TTYH1: variants seen among roughly 807,000 people sequenced by gnomAD.
TTYH1 encodes the protein tweety family member 1.
TTYH1 carries 33 observed loss-of-function variants against 61.2 expected under a neutral mutation model. The ratio of observed to expected loss-of-function variants is 0.54; its 90% CI spans 0.41 to 0.72. The LOEUF is 0.72. TTYH1 is among the 30% of genes least tolerant of loss of function. TTYH1 has a pLI of 0.00. For synonymous variants in TTYH1, 308 were observed against 266.4 expected (o/e 1.16, Z -1.52); for missense variants, 538 against 575.8 (o/e 0.93, Z 0.67).
chr19:54,431,492 T>G, intron 10 of TTYH1: 2 of 448,396 alleles, frequency 4.5e-6, no homozygotes, highest in East Asian at 9.0e-5. Flanking sequence ...TTTCCTTCCT[T>G]GTCTTCTCTC....
Position 54,429,787 on chromosome 19 carries a change from G to C in TTYH1, c.808-95G>C. 3 of 1,080,950 alleles carry C rather than the reference G, an allele frequency of 2.8e-6. No homozygotes were observed. In the South Asian group the frequency reaches 4.1e-5, roughly 15 times the overall value. The allele number at this position is 1,080,950 out of a possible 1,614,324, so 67.0% of individuals were successfully genotyped here. On this transcript the variant is annotated intron_variant, in intron 6 of 13. Transcript: ENST00000376530. The surrounding 1 kb of genome is among the most constrained non-coding windows in gnomAD (Gnocchi z 5.1). Reference sequence around the variant, plus strand: ...GGGGCTGGGACCTGGACCCCTGGGTGGGGAGGGGAGCTGGGGAGCCAGGCA... The same window carrying C: ...GGGGCTGGGACCTGGACCCCTGGGTCGGGAGGGGAGCTGGGGAGCCAGGCA...
intron 10 of TTYH1, 40 bp from the exon 11 acceptor site, chr19:54,435,502 G>C: frequency 1.3e-6 from 2 of 1,554,770 alleles, no homozygotes; most frequent in Non-Finnish European, 8.7e-7. Flanking sequence ...CGATGGGGGA[G>C]GGGGTGGGGA....
chr19:54,429,974 C>T lies in TTYH1; in HGVS notation c.883+17C>T, dbSNP rs199597708. On this transcript the variant is annotated intron_variant, in intron 7 of 13. Transcript: ENST00000376530. The surrounding 1 kb of genome is among the most constrained non-coding windows in gnomAD (Gnocchi z 5.1). The stretch of plus-strand genomic sequence containing the variant: ...TCAGCTCAGGTGATTTCCAAGGGCC[C>T]GGTGGGTCCGCCGGGTTGGGCAGTG... The T allele has an allele frequency of 2.5e-5, 40 of 1,611,468 alleles. No homozygotes were observed. In the East Asian group the frequency reaches 5.3e-4, roughly 22 times the overall value.
Position 54,429,211 on chromosome 19 carries a change from G to C in TTYH1, c.735-96G>C. 1 of 1,109,642 alleles carries C rather than the reference G, an allele frequency of 9.0e-7. No homozygotes were observed. Among genetic ancestry groups the C allele is most frequent in the African/African-American group, 1.5e-5 (1 of 65,292 alleles). 68.7% of individuals were successfully genotyped at this position (1,109,642 alleles called of 1,614,324 possible). A position where few individuals can be genotyped will look rare whatever the true frequency, so the allele number is the denominator to read the frequency against. On this transcript the variant is annotated intron_variant, in intron 5 of 13. Coordinates refer to ENST00000376530, the MANE Select transcript of TTYH1 (RefSeq NM_020659.4). The surrounding 1 kb of genome is among the most constrained non-coding windows in gnomAD (Gnocchi z 5.1). ...GATCCTCCAGGCTCCAGAGGTGGGT[G>C]GAGGTGGGGGGCGGCTGTGATGGGA...
intron 11 of TTYH1, 66 bp from the exon 12 acceptor site, chr19:54,435,761 GT>G: frequency 1.2e-6 from 2 of 1,612,712 alleles, no homozygotes; most frequent in South Asian, 1.1e-5. Flanking sequence ...GGCAGTGGGG[GT>G]GGGGGGTGCA....
At position 54,416,671 on chromosome 19, in the gene TTYH1, A is replaced by G. The variant is rs1318652192; in HGVS notation, c.126+993A>G. ...GTCCCAGAAAAGCGCGGAGGGGATG[A>G]GTGCTGTGTTCTGAGCTATTTGGGT... On this transcript the variant is annotated intron_variant, in intron 1 of 13. Transcript: ENST00000376530. This position sits in a 1 kb window ranked among gnomAD's most constrained non-coding sequence, Gnocchi z 7.0. The G allele has an allele frequency of 9.4e-7, 1 of 1,067,458 alleles. No individual in the cohort carries two copies. Among genetic ancestry groups the G allele is most frequent in the Non-Finnish European group, 1.2e-6 (1 of 805,596 alleles). 66.1% of individuals were successfully genotyped at this position (1,067,458 alleles called of 1,614,324 possible).
rs1228965192 is a variant in TTYH1, at chr19:54,430,867, C to T, written c.994C>T (p.Leu332=). 2.5e-6 allele frequency: 4 copies of T among 1,613,778 alleles called. No individual in the cohort carries two copies. In the South Asian group the frequency reaches 3.3e-5, roughly 13 times the overall value. ...CAACATCCACTCCCAGCTGCTGGGC[C>T]TGGAGCGAGAAGCTGTGCCTCAGTT... ...LANIHSQLLG[L]EREAVPQFPS... The change falls in exon 9 of 14, where the codon CTG becomes TTG. Residue 332 remains leucine (L), a synonymous_variant. Transcript: ENST00000376530.
In TTYH1 at chr19:54,434,371, C is replaced by T. The variant is rs1176467408; in HGVS notation, c.1126-1171C>T. 1 of 152,544 alleles carries T rather than the reference C, an allele frequency of 6.6e-6. No homozygotes were observed. The highest frequency in any genetic ancestry group is 2.4e-5 in the African/African-American group (1 of 41,442). The allele number at this position is 152,544 out of a possible 1,614,324, so 9.4% of individuals were successfully genotyped here. On this transcript the variant is annotated intron_variant, in intron 10 of 13. Transcript: ENST00000376530. This position sits in a 1 kb window ranked among gnomAD's most constrained non-coding sequence, Gnocchi z 4.3. ...TGTTCCTCGCCCTGACCTACAAGGG[C>T]CTGGGTGGTCAGTCCTGGATCTGTC...
At position 54,429,537 on chromosome 19, in the gene TTYH1, A is replaced by G. The variant is rs1240513160; in HGVS notation, c.807+158A>G. Among the ~76,000 whole-genome samples, 2 of 151,860 alleles carry G rather than the reference A, an allele frequency of 1.3e-5. No individual in the cohort carries two copies. The highest frequency in any genetic ancestry group is 4.8e-5 in the African/African-American group (2 of 41,322). On this transcript the variant is annotated intron_variant, in intron 6 of 13. Transcript: ENST00000376530. The surrounding 1 kb of genome is among the most constrained non-coding windows in gnomAD (Gnocchi z 5.1). ...CTTGTTTCCTGGGGCCTGAGTGGGT[A>G]CAGATTGGTGTCCTGGACGTTTGAG... is the stretch of plus-strand genomic sequence containing the variant.
chr19:54,415,820 G>A lies in TTYH1; in HGVS notation c.126+142G>A. The A allele has an allele frequency of 1.9e-6, 2 of 1,038,818 alleles. No homozygotes were observed. The highest frequency in any genetic ancestry group is 2.7e-6 in the Non-Finnish European group (2 of 746,910). 64.4% of individuals were successfully genotyped at this position (1,038,818 alleles called of 1,614,324 possible). A position where few individuals can be genotyped will look rare whatever the true frequency, so the allele number is the denominator to read the frequency against. ...CCCGGACTTTGGGGTTTCGGAGGGAGGAGGAGCCTGGGGGCGCCCATGCCT... is the reference window on the plus strand; with the variant it reads ...CCCGGACTTTGGGGTTTCGGAGGGAAGAGGAGCCTGGGGGCGCCCATGCCT... On this transcript the variant is annotated intron_variant, in intron 1 of 13. Coordinates refer to ENST00000376530, the MANE Select transcript of TTYH1 (RefSeq NM_020659.4). The surrounding 1 kb of genome is among the most constrained non-coding windows in gnomAD (Gnocchi z 5.2).
chr19:54,434,834 CTGGG>C lies in TTYH1; in HGVS notation c.1126-705_1126-702del. ...TGATTCTGCCCCCAGGGACACCTGG[CTGGG>C]TGAGGAGTTCTGCCCCCAGGGACAC... On this transcript the variant is annotated intron_variant, in intron 10 of 13. Coordinates refer to ENST00000376530, the MANE Select transcript of TTYH1 (RefSeq NM_020659.4). This position sits in a 1 kb window ranked among gnomAD's most constrained non-coding sequence, Gnocchi z 4.3. 6.6e-6 allele frequency: 1 copy of C among 152,318 alleles called. No individual in the cohort carries two copies. The highest frequency in any genetic ancestry group is 1.5e-5 in the Non-Finnish European group (1 of 68,092). 9.4% of individuals were successfully genotyped at this position (152,318 alleles called of 1,614,324 possible). A position where few individuals can be genotyped will look rare whatever the true frequency, so the allele number is the denominator to read the frequency against.
rs866613254 is a variant in TTYH1 at position 54,420,973 on chromosome 19, G to A, written c.306-304G>A. On this transcript the variant is annotated intron_variant, in intron 2 of 13. Coordinates refer to ENST00000376530, the MANE Select transcript of TTYH1 (RefSeq NM_020659.4). This position sits in a 1 kb window ranked among gnomAD's most constrained non-coding sequence, Gnocchi z 4.8. ...AAGACGGCCCATCCCGGAGCTGGGT[G>A]TGACTGGGGTTCTGCTCCAGGGAGG... The A allele has an allele frequency of 1.0e-4, 48 of 462,010 alleles. No individual in the cohort carries two copies. Among genetic ancestry groups the A allele is most frequent in the African/African-American group, 7.5e-4 (38 of 50,816 alleles). 28.6% of individuals were successfully genotyped at this position (462,010 alleles called of 1,614,324 possible).
chr19:54,430,514 C>T (rs766266875), intron 7 of TTYH1, 36 bp from the exon 8 acceptor site: 3 of 1,611,432 alleles, frequency 1.9e-6, no homozygotes, highest in East Asian at 4.5e-5. Context: ...GGGGCCCAGG[C>T]TCATGGCCTC....
At chr19:54,427,401 C>T (rs576741058) in intron 5 of TTYH1, among the ~76,000 whole-genome samples, 94 of 144,734 alleles carry the variant, frequency 6.5e-4, no homozygotes, top group East Asian at 4.8e-3. Flanking sequence ...GTCAGGAGTT[C>T]GAGACCATCC....
intron 4 of TTYH1, 113 bp from the exon 5 acceptor site, chr19:54,426,560 G>A: frequency 1.3e-6 from 1 of 796,550 alleles, no homozygotes; most frequent in Non-Finnish European, 2.2e-6. Flanking sequence ...CTTGGAGGGT[G>A]GTGAATGTGA....
chr19:54,430,862 T>G lies in TTYH1; in HGVS notation c.989T>G (p.Leu330Arg), dbSNP rs768692520. Residue 330 changes from leucine to arginine, a missense_variant, in exon 9 of 14, where the codon CTG (leucine) becomes CGG (arginine). This residue lies in a region of TTYH1 where 378 missense variants were observed against 401.2 expected (regional missense o/e 0.94). Coordinates refer to ENST00000376530, the MANE Select transcript of TTYH1 (RefSeq NM_020659.4). ...CTGGCCAACATCCACTCCCAGCTGC[T>G]GGGCCTGGAGCGAGAAGCTGTGCCT... ...RALANIHSQL[L>R]GLEREAVPQF... 6.4e-5 allele frequency: 104 copies of G among 1,613,722 alleles called. No homozygotes were observed. Among genetic ancestry groups the G allele is most frequent in the Non-Finnish European group, 8.0e-5 (94 of 1,180,026 alleles).
At chr19:54,430,106 C>T in intron 7 of TTYH1, 149 bp downstream of exon 7, 1 of 682,000 alleles carries the variant, frequency 1.5e-6, no homozygotes, top group Non-Finnish European at 2.5e-6. Flanking sequence ...AAGCAGGGCT[C>T]CTGGCCACTC....
chr19:54,424,527 A>G (rs1407898320), intron 4 of TTYH1, among the ~76,000 whole-genome samples: 1 of 152,214 alleles, frequency 6.6e-6, no homozygotes, highest in Non-Finnish European at 1.5e-5. Flanking sequence ...CTGGGTTTGA[A>G]GAAGTCCAGG....
rs983981771 is a variant in TTYH1, at chr19:54,416,550, T to C, written c.126+872T>C. On this transcript the variant is annotated intron_variant, in intron 1 of 13. Transcript: ENST00000376530. The surrounding 1 kb of genome is among the most constrained non-coding windows in gnomAD (Gnocchi z 7.0). ...CCCGATGTGGCCCCAGGACGGGTCCTGGCCCTGCTGATGGGGCCTGAGCCC... is the reference window on the plus strand; with the variant it reads ...CCCGATGTGGCCCCAGGACGGGTCCCGGCCCTGCTGATGGGGCCTGAGCCC... 5 of 340,128 alleles carry C rather than the reference T, an allele frequency of 1.5e-5. No homozygotes were observed. Among genetic ancestry groups the C allele is most frequent in the African/African-American group, 9.0e-5 (4 of 44,354 alleles). 21.1% of individuals were successfully genotyped at this position (340,128 alleles called of 1,614,324 possible). A position where few individuals can be genotyped will look rare whatever the true frequency, so the allele number is the denominator to read the frequency against.
Sources: gnomAD v4.1 joint callset for allele counts (sites outside exome capture counted in the v4.1 genomes callset) on GRCh38, gnomAD v4.1.1 for gene constraint, gnomAD v4.1.1 regional missense constraint, Gnocchi (gnomAD v3.1) non-coding constraint, MANE v1.5 for transcripts, NCBI Gene and HGNC (gene_info 2026-07-23, HGNC 2026-07-21) for gene names.